Variants in GDPD5 observed in about 807,000 individuals in gnomAD.
GDPD5 encodes the protein glycerophosphodiester phosphodiesterase domain containing 5.
In GDPD5, 48 loss-of-function variants were observed where a neutral mutation model predicts 75.1. The observed-to-expected ratio is 0.64, with a 90% CI of 0.51 to 0.81. The LOEUF is 0.81. Ranked by LOEUF, GDPD5 falls within the 40% of genes least tolerant of loss-of-function variation. The pLI, the probability that GDPD5 is intolerant of heterozygous loss-of-function variation, is 0.00. For synonymous variants in GDPD5, 336 were observed against 339.0 expected, an observed-to-expected ratio of 0.99 and a Z score of 0.10; for missense variants, 706 against 822.6, an observed-to-expected ratio of 0.86 and a Z score of 1.73.
At chr11:75,487,717 C>A (rs754247263) in intron 2 of GDPD5, among the ~76,000 whole-genome samples, 5 of 152,238 alleles carry the variant, frequency 3.3e-5, no homozygotes, top group Non-Finnish European at 2.9e-5. Context: ...AAATCAGGAG[C>A]CTGCCCAGGG....
At chr11:75,436,107 G>T (rs530840129) in intron 16 of GDPD5, among the ~76,000 whole-genome samples, 1 of 152,162 alleles carries the variant, frequency 6.6e-6, no homozygotes, top group Admixed American at 6.5e-5. Context: ...CTTCTGCCCT[G>T]GCCATATTCT....
chr11:75,503,593 G>A, intron 1 of GDPD5, among the ~76,000 whole-genome samples: 1 of 152,278 alleles, frequency 6.6e-6, no homozygotes, highest in East Asian at 1.9e-4. Flanking sequence ...CCCACAGCAG[G>A]CCTCAGGGAG....
chr11:75,461,744 T>G (rs1949418525), intron 4 of GDPD5, among the ~76,000 whole-genome samples: 1 of 152,156 alleles, frequency 6.6e-6, no homozygotes, highest in African/African-American at 2.4e-5. Context: ...CACCAGAGAC[T>G]TGCTCATCGC....
rs1176732615 is a variant in GDPD5 at position 75,435,146 on chromosome 11, G to A, written c.*361C>T. 2 of 179,270 alleles carry A rather than the reference G, an allele frequency of 1.1e-5. No individual in the cohort carries two copies. Among genetic ancestry groups the A allele is most frequent in the African/African-American group, 4.7e-5 (2 of 42,628 alleles). The allele number at this position is 179,270 out of a possible 1,614,324, so 11.1% of individuals were successfully genotyped here. ...CACAGACAGGAGGACAGATGGCACA[G>A]GTGAGCATCCACACACTCCATTGCC... is the stretch of plus-strand genomic sequence containing the variant. On this transcript the variant is annotated 3_prime_UTR_variant, in exon 17 of 17. Transcript: ENST00000336898.
At position 75,441,395 on chromosome 11, in the gene GDPD5, C is replaced by T. The variant is rs908060176; in HGVS notation, c.1326-85G>A. 20 of 1,519,982 alleles carry T rather than the reference C, an allele frequency of 1.3e-5. No individual in the cohort carries two copies. In the African/African-American group the frequency reaches 2.6e-4, roughly 20 times the overall value. 94.2% of individuals were successfully genotyped at this position (1,519,982 alleles called of 1,614,324 possible). On this transcript the variant is annotated intron_variant, in intron 13 of 16. Transcript: ENST00000336898. The stretch of plus-strand genomic sequence containing the variant: ...CGGGGCTGGTAAAGCACGTCCTGTT[C>T]ACGACCTCACAGCCATGCCCGGGGC...
intron 9 of GDPD5, 196 bp downstream of exon 9, chr11:75,448,781 T>C: frequency 1.7e-6 from 2 of 1,189,960 alleles, no homozygotes; most frequent in African/African-American, 1.6e-5. Context: ...GAAATCTTTT[T>C]AGCAAGATGC....
rs1948851907 is a variant in GDPD5, at chr11:75,442,567, C to A, written c.963G>T (p.Trp321Cys). 2 of 1,613,958 alleles carry A rather than the reference C, an allele frequency of 1.2e-6. No individual in the cohort carries two copies. The highest frequency in any genetic ancestry group is 1.7e-6 in the Non-Finnish European group (2 of 1,180,012). The change falls in exon 12 of 17, where the codon TGG becomes TGT. Residue 321 changes from tryptophan (W) to cysteine (C), a missense_variant. Transcript: ENST00000336898. ...GQWFLKTDPF[W>C]TASSLSPSDH... Reference sequence around the variant, plus strand: ...CGGAGGGTGACAGGGAGCTGGCTGTCCAGAAGGGGTCAGTCTGGCAGGGAC... The same window carrying A: ...CGGAGGGTGACAGGGAGCTGGCTGTACAGAAGGGGTCAGTCTGGCAGGGAC...
In GDPD5 at chr11:75,435,281, GC is replaced by G; in HGVS notation, c.*225del. On this transcript the variant is annotated 3_prime_UTR_variant, in exon 17 of 17. Coordinates refer to ENST00000336898, the MANE Select transcript of GDPD5 (RefSeq NM_030792.8). ...CTAGGCCCCATACTTCCCAGAAGGA[GC>G]CCCAGGCCTGCAGGGGCATCTGAAA... 1 of 469,872 alleles carries G rather than the reference GC, an allele frequency of 2.1e-6. No homozygotes were observed. The highest frequency in any genetic ancestry group is 3.4e-5 in the Admixed American group (1 of 29,322). The allele number at this position is 469,872 out of a possible 1,614,324, so 29.1% of individuals were successfully genotyped here. A position where few individuals can be genotyped will look rare whatever the true frequency, so the allele number is the denominator to read the frequency against.
chr11:75,439,324 A>C (rs756081807), intron 15 of GDPD5: 28 of 456,024 alleles, frequency 6.1e-5, no homozygotes, highest in Non-Finnish European at 9.7e-5. Context: ...GAGGAGGAAG[A>C]CCACACCAGA....
intron 1 of GDPD5, among the ~76,000 whole-genome samples, chr11:75,522,504 C>T (rs939338621): frequency 9.2e-5 from 14 of 152,152 alleles, no homozygotes; most frequent in Admixed American, 2.0e-4. Flanking sequence ...CCGTCACCAC[C>T]TCTCTGGAAT....
intron 3 of GDPD5, among the ~76,000 whole-genome samples, chr11:75,470,491 G>A (rs890697063): frequency 3.3e-5 from 5 of 151,994 alleles, no homozygotes; most frequent in Non-Finnish European, 4.4e-5. Context: ...ACGATTTCTC[G>A]GCTTCATTGC....
chr11:75,515,188 G>A (rs372724292), intron 1 of GDPD5, among the ~76,000 whole-genome samples: 1 of 152,156 alleles, frequency 6.6e-6, no homozygotes, highest in African/African-American at 2.4e-5. Flanking sequence ...TTTCAGGAAG[G>A]AGAGGGAGTG....
chr11:75,507,951 A>T (rs1395859841), intron 1 of GDPD5, among the ~76,000 whole-genome samples: 1 of 148,856 alleles, frequency 6.7e-6, no homozygotes, highest in Admixed American at 6.7e-5. Context: ...CCCAGCACCC[A>T]CTATCTATCA....
At chr11:75,502,822 C>T (rs1267167182) in intron 1 of GDPD5, among the ~76,000 whole-genome samples, 1 of 152,132 alleles carries the variant, frequency 6.6e-6, no homozygotes, top group Non-Finnish European at 1.5e-5. Context: ...CTCAAACAAG[C>T]CTGCAGAGAG....
chr11:75,488,184 G>A (rs963119681), intron 2 of GDPD5, among the ~76,000 whole-genome samples: 1 of 152,042 alleles, frequency 6.6e-6, no homozygotes, highest in Non-Finnish European at 1.5e-5. Context: ...CACCAGGACT[G>A]TATTAAGGCC....
At chr11:75,458,626 C>T (rs1398042133) in intron 4 of GDPD5, among the ~76,000 whole-genome samples, 1 of 151,584 alleles carries the variant, frequency 6.6e-6, no homozygotes, top group African/African-American at 2.4e-5. Context: ...GAGCAGAGAT[C>T]GCAGTACTAC....
intron 3 of GDPD5, among the ~76,000 whole-genome samples, chr11:75,476,041 A>G (rs974581010): frequency 6.6e-6 from 1 of 152,132 alleles, no homozygotes; most frequent in African/African-American, 2.4e-5. Context: ...CTTCCCCAGC[A>G]TCTGCCCTGA....
chr11:75,459,680 G>C (rs748378101), intron 4 of GDPD5, among the ~76,000 whole-genome samples: 13 of 152,050 alleles, frequency 8.5e-5, no homozygotes, highest in Non-Finnish European at 1.8e-4. Flanking sequence ...AGTGGTGGCA[G>C]ACACCTGTAG....
At chr11:75,477,133 G>A (rs1353179815) in intron 3 of GDPD5, among the ~76,000 whole-genome samples, 2 of 152,216 alleles carry the variant, frequency 1.3e-5, no homozygotes, top group African/African-American at 4.8e-5. Context: ...AGCACTGAAG[G>A]AGGCTTTCTT....
Sources: gnomAD v4.1 joint callset for allele counts (sites outside exome capture counted in the v4.1 genomes callset) on GRCh38, gnomAD v4.1.1 for gene constraint, MANE v1.5 for transcripts, NCBI Gene and HGNC (gene_info 2026-07-23, HGNC 2026-07-21) for gene names.